ARHGAP32: variants seen among roughly 807,000 people sequenced by gnomAD.
ARHGAP32 encodes the protein rho GTPase-activating protein 32.
In ARHGAP32, 51 loss-of-function variants were observed where a neutral mutation model predicts 186.5. The ratio of observed to expected loss-of-function variants is 0.27; its 90% CI spans 0.22 to 0.35. The LOEUF is 0.35. Ranked by LOEUF, ARHGAP32 falls within the 10% of genes least tolerant of loss-of-function variation. The pLI is 1.00. For missense variants in ARHGAP32, 2,186 were observed against 2,623.5 expected (o/e 0.83, Z 3.64); for synonymous variants, 950 against 964.3 (o/e 0.99, Z 0.27).
chr11:129,032,850 C>G (rs1939172744), intron 11 of ARHGAP32, among the ~76,000 whole-genome samples: 1 of 152,200 alleles, frequency 6.6e-6, no homozygotes, highest in Non-Finnish European at 1.5e-5. Flanking sequence ...AATATCATGA[C>G]ATTTCCGTAT....
At chr11:129,259,484 C>T (rs1945294616) in intron 1 of ARHGAP32, among the ~76,000 whole-genome samples, 1 of 151,840 alleles carries the variant, frequency 6.6e-6, no homozygotes, top group Admixed American at 6.6e-5. Context: ...CAAAAAAATA[C>T]TTTTCCTGTA....
intron 1 of ARHGAP32, among the ~76,000 whole-genome samples, chr11:129,209,226 G>C (rs2135588936): frequency 6.6e-6 from 1 of 152,202 alleles, no homozygotes; most frequent in Middle Eastern, 3.4e-3. Context: ...CTTTGAAAGT[G>C]TCAAGCTGGT....
intron 6 of ARHGAP32, among the ~76,000 whole-genome samples, chr11:129,077,026 T>C (rs1941064090): frequency 6.6e-6 from 1 of 152,146 alleles, no homozygotes; most frequent in Non-Finnish European, 1.5e-5. Flanking sequence ...GATTTAACCT[T>C]ACCTAGAGCA....
intron 1 of ARHGAP32, among the ~76,000 whole-genome samples, chr11:129,246,855 G>A (rs560412066): frequency 1.3e-5 from 2 of 152,258 alleles, no homozygotes; most frequent in East Asian, 1.9e-4. Flanking sequence ...CCTCTCAAAC[G>A]TGTCTCTACC....
rs145817087 is a variant in ARHGAP32, at chr11:129,158,396, C to CAA, written c.225+5921_225+5922dup. 9.8e-4 allele frequency among the ~76,000 whole-genome samples: 65 copies of CAA among 66,210 alleles called. 2 individuals carry two copies. Among genetic ancestry groups the CAA allele is most frequent in the African/African-American group, 2.9e-3 (51 of 17,700 alleles). 43.4% of individuals were successfully genotyped at this position (66,210 alleles called of 152,430 possible). ...GAAGATTTACCAAGCAAATGGAAGG[C>CAA]AAAAAAAAAAAAAAAGCAGAGAATG... On this transcript the variant is annotated intron_variant, in intron 2 of 22. Coordinates refer to ENST00000682385, the MANE Select transcript of ARHGAP32 (RefSeq NM_001378024.1).
At chr11:128,985,858 GTATATATA>G (rs1555063867) in intron 15 of ARHGAP32, 137 bp downstream of exon 15, 15 of 95,970 alleles carry the variant, frequency 1.6e-4, no homozygotes, top group South Asian at 1.2e-3. Flanking sequence ...GTGTGTGTGT[GTATATATA>G]TATATATATA....
intron 11 of ARHGAP32, among the ~76,000 whole-genome samples, chr11:129,028,511 C>T (rs1279598041): frequency 2.6e-5 from 4 of 152,146 alleles, no homozygotes; most frequent in Non-Finnish European, 5.9e-5. Context: ...GGAGGATTCA[C>T]CCAAATATTC....
chr11:129,268,827 T>C (rs546677094), intron 1 of ARHGAP32, among the ~76,000 whole-genome samples: 18 of 152,292 alleles, frequency 1.2e-4, no homozygotes, highest in African/African-American at 4.1e-4. Flanking sequence ...TGACTTCTCA[T>C]TATTGCTGAA....
At chr11:129,247,305 T>A (rs753176996) in intron 1 of ARHGAP32, among the ~76,000 whole-genome samples, 1 of 152,226 alleles carries the variant, frequency 6.6e-6, no homozygotes. Context: ...ATGAGGCAAG[T>A]TGCCAGCAGT....
intron 1 of ARHGAP32, among the ~76,000 whole-genome samples, chr11:129,179,081 T>A (rs2135526719): frequency 6.6e-6 from 1 of 150,834 alleles, no homozygotes; most frequent in East Asian, 2.0e-4. Context: ...TACAATGAAC[T>A]CAAACAAATT....
chr11:129,053,297 T>C (rs1484726870), intron 10 of ARHGAP32, among the ~76,000 whole-genome samples: 1 of 152,166 alleles, frequency 6.6e-6, no homozygotes, highest in Admixed American at 6.5e-5. Context: ...TTTATTTCTA[T>C]GTCCCAAAAG....
At chr11:129,060,413 AAAG>A (rs1376946135) in intron 10 of ARHGAP32, among the ~76,000 whole-genome samples, 26 of 117,044 alleles carry the variant, frequency 2.2e-4, no homozygotes, top group Non-Finnish European at 6.1e-5. Context: ...CAGACAGAAG[AAAG>A]TTAGTAGTAA....
At chr11:129,237,249 C>T (rs889042952) in intron 1 of ARHGAP32, among the ~76,000 whole-genome samples, 5 of 152,044 alleles carry the variant, frequency 3.3e-5, no homozygotes, top group African/African-American at 1.2e-4. Flanking sequence ...TTCATTTTGC[C>T]TACACAGATC....
chr11:129,001,452 G>T (rs1206722401), intron 11 of ARHGAP32, among the ~76,000 whole-genome samples: 2 of 152,104 alleles, frequency 1.3e-5, no homozygotes, highest in Non-Finnish European at 1.5e-5. Context: ...TTGCCCATTT[G>T]TTAATCAAAT....
At chr11:129,044,552 A>G (rs945420324) in intron 10 of ARHGAP32, among the ~76,000 whole-genome samples, 4 of 152,200 alleles carry the variant, frequency 2.6e-5, no homozygotes, top group Non-Finnish European at 4.4e-5. Flanking sequence ...GTATTTGGCT[A>G]CCAGAACTGC....
At chr11:129,193,377 C>A (rs1331029000), upstream of ARHGAP32, among the ~76,000 whole-genome samples, 3 of 113,832 alleles carry the variant, frequency 2.6e-5, no homozygotes, top group African/African-American at 1.1e-4. Context: ...AGCTACTCAA[C>A]AGGCTGAGGT....
chr11:129,101,913 C>G (rs1428744153), intron 5 of ARHGAP32, among the ~76,000 whole-genome samples: 1 of 152,072 alleles, frequency 6.6e-6, no homozygotes, highest in Admixed American at 6.6e-5. Flanking sequence ...GTCAGATTCT[C>G]CAAGGTCGAA....
At chr11:129,252,654 T>C (rs1025435221) in intron 1 of ARHGAP32, among the ~76,000 whole-genome samples, 2 of 152,158 alleles carry the variant, frequency 1.3e-5, no homozygotes, top group Non-Finnish European at 2.9e-5. Context: ...TTTTGCTACG[T>C]GAATTTGCAT....
At position 128,970,481 on chromosome 11, in the gene ARHGAP32, A is replaced by T; in HGVS notation, c.4732T>A (p.Ser1578Thr). ...TCGGGGTAACAGGTATTCCTGACAG[A>T]GGAGCTCAAAGAAGACACATACTCG... The part of the protein sequence containing the change: ...RVEYVSSLSS[S>T]VRNTCYPEDI... Residue 1578 changes from serine to threonine, a missense_variant, in exon 23 of 23, where the codon TCT (serine) becomes ACT (threonine). By Grantham distance (58) the Ser-to-Thr change is moderately conservative (BLOSUM62 1). Transcript: ENST00000682385. This position sits in a 1 kb window ranked among gnomAD's most constrained non-coding sequence, Gnocchi z 5.8. 6.2e-7 allele frequency: 1 copy of T among 1,614,100 alleles called. No individual in the cohort carries two copies. The highest frequency in any genetic ancestry group is 8.5e-7 in the Non-Finnish European group (1 of 1,180,008).
Sources: gnomAD v4.1 joint callset for allele counts (sites outside exome capture counted in the v4.1 genomes callset) on GRCh38, gnomAD v4.1.1 for gene constraint, Gnocchi (gnomAD v3.1) non-coding constraint, MANE v1.5 for transcripts, NCBI Gene and HGNC (gene_info 2026-07-23, HGNC 2026-07-21) for gene names.